The following SLC9A4 variants were observed in gnomAD, a reference collection of about 807,000 sequenced individuals.
SLC9A4 encodes the protein sodium/hydrogen exchanger 4.
A neutral mutation model predicts 67.4 loss-of-function variants in SLC9A4; 63 were observed. That is an observed-to-expected ratio of 0.93 (90% confidence interval 0.76 to 1.15). SLC9A4 has a LOEUF of 1.15. SLC9A4 is among the 50% of genes most tolerant of loss of function. The pLI is 0.00. For missense variants in SLC9A4, 1,089 were observed against 987.7 expected (o/e 1.10, Z -1.38); for synonymous variants, 393 against 367.2 (o/e 1.07, Z -0.80).
rs1485265498 is a variant in SLC9A4, at chr2:102,479,127, A to G, written c.545A>G (p.Gln182Arg). The change falls in exon 2 of 12, where the codon CAG becomes CGG. Residue 182 changes from glutamine to arginine, a missense_variant. Physicochemically the swap from Gln to Arg is conservative, Grantham distance 43. Transcript: ENST00000295269. Reference sequence around the variant, plus strand: ...GGCCTCTCCCTCTACCTCATCTGCCAGGTGAAGGCCTTTGGCCTGGGCGAC... The same window carrying G: ...GGCCTCTCCCTCTACCTCATCTGCCGGGTGAAGGCCTTTGGCCTGGGCGAC... ...GIGLSLYLIC[Q>R]VKAFGLGDVN... 1.2e-5 allele frequency: 20 copies of G among 1,614,030 alleles called. No homozygotes were observed. The highest frequency in any genetic ancestry group is 1.6e-4 in the Middle Eastern group (1 of 6,084).
chr2:102,523,430 T>G (rs1190370804), intron 9 of SLC9A4, among the ~76,000 whole-genome samples: 2 of 152,238 alleles, frequency 1.3e-5, no homozygotes, highest in Non-Finnish European at 1.5e-5. Context: ...CCGATGAGGA[T>G]GCCATTGTCA....
intron 11 of SLC9A4, 66 bp from the exon 12 acceptor site, chr2:102,532,264 G>T: frequency 6.7e-7 from 1 of 1,502,150 alleles, no homozygotes; most frequent in Admixed American, 2.0e-5. Flanking sequence ...CTGCCATGTG[G>T]ATATTAAGTC....
At chr2:102,500,841 T>G (rs1478336161) in intron 2 of SLC9A4, among the ~76,000 whole-genome samples, 1 of 152,138 alleles carries the variant, frequency 6.6e-6, no homozygotes, top group East Asian at 1.9e-4. Flanking sequence ...GAGAAGGCCT[T>G]TGTCATCAAT....
chr2:102,508,165 G>A lies in SLC9A4; in HGVS notation c.1285G>A (p.Val429Ile), dbSNP rs1379021820. The A allele has an allele frequency of 6.2e-7, 1 of 1,614,198 alleles. No homozygotes were observed. The highest frequency in any genetic ancestry group is 2.2e-5 in the East Asian group (1 of 44,890). ...KDQCIIFYSGVRGAGSFSLAF... is the reference protein window; with the variant it reads ...KDQCIIFYSGIRGAGSFSLAF... The stretch of plus-strand genomic sequence containing the variant: ...CCAGTGCATCATTTTCTACAGTGGT[G>A]TTCGAGGAGCTGGAAGTTTTTCACT... Residue 429 changes from valine (V) to isoleucine (I), a missense_variant, in exon 5 of 12, where the codon GTT (valine) becomes ATT (isoleucine). Physicochemically the swap from Val to Ile is conservative, Grantham distance 29. Coordinates refer to ENST00000295269, the MANE Select transcript of SLC9A4 (RefSeq NM_001011552.4).
At chr2:102,515,047 A>G (rs966578029) in intron 8 of SLC9A4, among the ~76,000 whole-genome samples, 25 of 152,178 alleles carry the variant, frequency 1.6e-4, no homozygotes, top group African/African-American at 5.5e-4. Flanking sequence ...AAAAGAACTC[A>G]TTAATTTCCC....
intron 9 of SLC9A4, among the ~76,000 whole-genome samples, chr2:102,523,642 A>T (rs1305391954): frequency 6.6e-6 from 1 of 152,228 alleles, no homozygotes; most frequent in Non-Finnish European, 1.5e-5. Context: ...CCTAAAAAGC[A>T]CATGACCTGG....
rs114968754 is a variant in SLC9A4, at chr2:102,509,551, G to A, written c.1488+618G>A. Among the ~76,000 whole-genome samples, 549 of 152,310 alleles carry A rather than the reference G, an allele frequency of 3.6e-3. 3 individuals are homozygous for A. Among genetic ancestry groups the A allele is most frequent in the African/African-American group, 0.012 (516 of 41,568 alleles). ...GTCTGTCTCCCAAAGATTCATATCT[G>A]TTCCACATGCAAAATATCTTCCTTC... On this transcript the variant is annotated intron_variant, in intron 6 of 11. Transcript: ENST00000295269.
chr2:102,526,143 C>T (rs189012079), intron 10 of SLC9A4, 116 bp from the exon 11 acceptor site: 5 of 1,057,658 alleles, frequency 4.7e-6, no homozygotes, highest in Admixed American at 1.9e-5. Flanking sequence ...CCTCTTCTGC[C>T]TCCCAAAGTG....
intron 1 of SLC9A4, 108 bp downstream of exon 1, chr2:102,474,123 T>G (rs1397255049): frequency 2.1e-5 from 28 of 1,304,162 alleles, no homozygotes; most frequent in Non-Finnish European, 2.9e-5. Context: ...GTTACTGCTA[T>G]TACATTAAAA....
At chr2:102,507,417 T>C (rs1362541088) in intron 4 of SLC9A4, among the ~76,000 whole-genome samples, 1 of 152,176 alleles carries the variant, frequency 6.6e-6, no homozygotes, top group African/African-American at 2.4e-5. Context: ...TGTGAGCCGC[T>C]TGGGGATGAA....
intron 2 of SLC9A4, among the ~76,000 whole-genome samples, chr2:102,493,941 C>G (rs1388237384): frequency 6.6e-6 from 1 of 151,878 alleles, no homozygotes; most frequent in Admixed American, 6.5e-5. Context: ...TCTGTCTACT[C>G]TCACCCCTGA....
chr2:102,519,607 A>G (rs937575795), intron 8 of SLC9A4, among the ~76,000 whole-genome samples: 2 of 152,202 alleles, frequency 1.3e-5, no homozygotes, highest in African/African-American at 2.4e-5. Context: ...ACCACTTTAG[A>G]CCTTTTTAAA....
At chr2:102,499,136 C>T (rs75499494) in intron 2 of SLC9A4, among the ~76,000 whole-genome samples, 4,459 of 152,230 alleles carry the variant, frequency 0.029, 204 homozygotes, top group East Asian at 0.09. Flanking sequence ...AGTCCTTTGC[C>T]TTCCAGGAAG....
At chr2:102,498,869 T>C (rs1217384140) in intron 2 of SLC9A4, among the ~76,000 whole-genome samples, 1 of 152,196 alleles carries the variant, frequency 6.6e-6, no homozygotes, top group Non-Finnish European at 1.5e-5. Flanking sequence ...AACAGACCAA[T>C]AGATGTTGTC....
chr2:102,532,481 C>G lies in SLC9A4; in HGVS notation c.2190C>G (p.Asn730Lys). 6.2e-7 allele frequency: 1 copy of G among 1,614,160 alleles called. No individual in the cohort carries two copies. Among genetic ancestry groups the G allele is most frequent in the Non-Finnish European group, 8.5e-7 (1 of 1,180,016 alleles). The change falls in exon 12 of 12, where the codon AAC becomes AAG. Residue 730 changes from asparagine to lysine, a missense_variant. Physicochemically the swap from Asn to Lys is moderately conservative, Grantham distance 94 (BLOSUM62 0). Coordinates refer to ENST00000295269, the MANE Select transcript of SLC9A4 (RefSeq NM_001011552.4). ...CATTCAGCTTTGGTTATCAAAGAAA[C>G]ACAAGCCAAGAAGAGTACTTGGGTG... ...RKAFSFGYQRNTSQEEYLGGV... is the reference protein window; with the variant it reads ...RKAFSFGYQRKTSQEEYLGGV...
chr2:102,503,339 A>T, intron 2 of SLC9A4, 109 bp from the exon 3 acceptor site: 3 of 1,030,246 alleles, frequency 2.9e-6, no homozygotes, highest in Admixed American at 3.0e-5. Context: ...TTTGTTGTGT[A>T]ATTTATTTTT....
At chr2:102,530,389 G>A (rs1273021285) in intron 11 of SLC9A4, among the ~76,000 whole-genome samples, 1 of 152,192 alleles carries the variant, frequency 6.6e-6, no homozygotes, top group African/African-American at 2.4e-5. Flanking sequence ...GTGCCCATGT[G>A]GAGGAGAGTT....
chr2:102,525,844 A>G (rs889683596), intron 10 of SLC9A4, among the ~76,000 whole-genome samples: 3 of 152,168 alleles, frequency 2.0e-5, no homozygotes, highest in African/African-American at 7.2e-5. Flanking sequence ...CCAGTAATCC[A>G]AACAAGATGC....
At chr2:102,532,260 T>G in intron 11 of SLC9A4, 70 bp from the exon 12 acceptor site, 1 of 1,484,896 alleles carries the variant, frequency 6.7e-7, no homozygotes, top group South Asian at 1.3e-5. Context: ...GTTCCTGCCA[T>G]GTGGATATTA....
Sources: allele counts gnomAD v4.1 joint callset (sites outside exome capture counted in the v4.1 genomes callset), GRCh38; gene constraint gnomAD v4.1.1; transcripts MANE v1.5; gene names NCBI Gene and HGNC (gene_info 2026-07-23, HGNC 2026-07-21).